SNX25: variants seen among roughly 807,000 people sequenced by gnomAD.
SNX25 encodes the protein sorting nexin-25.
Under a neutral mutation model 113.7 loss-of-function variants are expected in SNX25, and 62 were observed. That is an observed-to-expected ratio of 0.55 (90% CI 0.44 to 0.67). The LOEUF is 0.67. SNX25 is among the 30% of genes least tolerant of loss of function. SNX25 has a pLI of 0.00. For synonymous variants in SNX25, 421 were observed against 436.2 expected, an observed-to-expected ratio of 0.97 and a Z score of 0.43; for missense variants, 1,014 against 1,161.0, an observed-to-expected ratio of 0.87 and a Z score of 1.84.
chr4:185,217,938 T>G (rs1188264523), intron 1 of SNX25, among the ~76,000 whole-genome samples: 1 of 152,186 alleles, frequency 6.6e-6, no homozygotes, highest in Non-Finnish European at 1.5e-5. Flanking sequence ...TTTTTATCCT[T>G]CACTGCTGTA....
chr4:185,378,250 C>G, the SNX25 span: 1 of 1,600,524 alleles, frequency 6.2e-7, no homozygotes, highest in Non-Finnish European at 8.5e-7. Flanking sequence ...ATTTCTTCCT[C>G]CAGCGAAGTG....
chr4:185,209,589 C>A (rs997642026), upstream of SNX25: 2 of 329,202 alleles, frequency 6.1e-6, no homozygotes, highest in Admixed American at 6.5e-5. This position sits in a 1 kb window ranked among gnomAD's most constrained non-coding sequence, Gnocchi z 5.2. Context: ...GTCAGGCTGG[C>A]CAGGCTTCAG....
At chr4:185,292,679 A>C (rs921848333) in intron 6 of SNX25, among the ~76,000 whole-genome samples, 1 of 152,308 alleles carries the variant, frequency 6.6e-6, no homozygotes, top group Non-Finnish European at 1.5e-5. Context: ...CTGGGATTAC[A>C]GGCATGAGCC....
At chr4:185,349,453 G>A (rs2095304876) in intron 13 of SNX25, among the ~76,000 whole-genome samples, 1 of 152,130 alleles carries the variant, frequency 6.6e-6, no homozygotes, top group Admixed American at 6.5e-5. Flanking sequence ...TGGATCTTAT[G>A]GTAGCTCTAT....
downstream of SNX25, chr4:185,370,858 GGTAA>G (rs990360384): frequency 3.1e-6 from 5 of 1,602,318 alleles, no homozygotes; most frequent in Non-Finnish European, 4.3e-6. Context: ...CATCAGTTAT[GGTAA>G]GTGTTTGTAA....
intron 12 of SNX25, among the ~76,000 whole-genome samples, chr4:185,344,560 C>T (rs2126729711): frequency 6.6e-6 from 1 of 152,278 alleles, no homozygotes; most frequent in East Asian, 1.9e-4. Flanking sequence ...TGGAGGTTCA[C>T]AGCAGATGCC....
At chr4:185,205,673 A>G (rs567353449), upstream of SNX25, among the ~76,000 whole-genome samples, 2 of 152,304 alleles carry the variant, frequency 1.3e-5, no homozygotes, top group Admixed American at 1.3e-4. Flanking sequence ...TACTAAAAAT[A>G]CAAAAATTAG....
At chr4:185,255,676 C>T (rs1332431117) in intron 2 of SNX25, among the ~76,000 whole-genome samples, 1 of 152,164 alleles carries the variant, frequency 6.6e-6, no homozygotes, top group East Asian at 1.9e-4. Context: ...ATCTTTTACT[C>T]ATGCAGCTTA....
At chr4:185,235,970 A>G (rs544301995) in intron 1 of SNX25, among the ~76,000 whole-genome samples, 1 of 152,204 alleles carries the variant, frequency 6.6e-6, no homozygotes, top group Admixed American at 6.5e-5. Context: ...GTACAGATGT[A>G]CTGACAGAGG....
At chr4:185,301,176 A>G (rs1753624292) in intron 6 of SNX25, among the ~76,000 whole-genome samples, 1 of 152,150 alleles carries the variant, frequency 6.6e-6, no homozygotes, top group Non-Finnish European at 1.5e-5. Context: ...GTCTCTTAGT[A>G]TTAGATCACA....
intron 6 of SNX25, among the ~76,000 whole-genome samples, chr4:185,300,925 G>A (rs544249849): frequency 4.4e-4 from 67 of 151,266 alleles, no homozygotes; most frequent in Non-Finnish European, 7.1e-4. Flanking sequence ...CCTTGTTACA[G>A]TGTTTTATTA....
At position 185,229,177 on chromosome 4, in the gene SNX25, C is replaced by T. The variant is rs535456546; in HGVS notation, c.430-18117C>T. ...AAGCAGTGGAGATCTCATCTGTGGGCGTGGTACGACAGAGGGCCAGGGCAC... is the reference window on the plus strand; with the variant it reads ...AAGCAGTGGAGATCTCATCTGTGGGTGTGGTACGACAGAGGGCCAGGGCAC... On this transcript the variant is annotated intron_variant, in intron 1 of 18. Coordinates refer to ENST00000652585, the MANE Select transcript of SNX25 (RefSeq NM_001378034.2). Among the ~76,000 whole-genome samples the T allele has an allele frequency of 1.7e-3, 254 of 152,208 alleles. 1 individual carries two copies. The highest frequency in any genetic ancestry group is 5.8e-3 in the African/African-American group (241 of 41,520).
intron 1 of SNX25, among the ~76,000 whole-genome samples, chr4:185,237,526 T>C (rs139031393): frequency 6.6e-6 from 1 of 152,208 alleles, no homozygotes; most frequent in East Asian, 1.9e-4. Context: ...AACCCCTCAA[T>C]CAACCCACTT....
At chr4:185,290,993 CA>C (rs573443617) in intron 6 of SNX25, among the ~76,000 whole-genome samples, 3 of 152,176 alleles carry the variant, frequency 2.0e-5, no homozygotes, top group African/African-American at 7.2e-5. Context: ...TGGCTGTACA[CA>C]GTTAAACAGT....
intron 16 of SNX25, among the ~76,000 whole-genome samples, chr4:185,360,918 CAAA>C (rs972994015): frequency 8.6e-6 from 1 of 115,920 alleles, no homozygotes; most frequent in Non-Finnish European, 1.7e-5. Flanking sequence ...GACTCCGTCT[CAAA>C]AAAAAAATAA....
chr4:185,272,610 T>C lies in SNX25; in HGVS notation c.1091+5455T>C, dbSNP rs532097206. Among the ~76,000 whole-genome samples, 434 of 152,272 alleles carry C rather than the reference T, an allele frequency of 2.9e-3. 1 individual carries two copies. Among genetic ancestry groups the C allele is most frequent in the Admixed American group, 4.7e-3 (72 of 15,296 alleles). ...CCGGGCATCAGGATTTTTAAAAAGC[T>C]CCCCTGGTGATCGTAACGTGCAACT... On this transcript the variant is annotated intron_variant, in intron 5 of 18. Transcript: ENST00000652585.
At chr4:185,257,339 G>GCTT (rs1338619621) in intron 2 of SNX25, among the ~76,000 whole-genome samples, 1 of 152,066 alleles carries the variant, frequency 6.6e-6, no homozygotes, top group Non-Finnish European at 1.5e-5. Context: ...AAAAGACCTA[G>GCTT]CTTCTTGCAA....
At chr4:185,322,663 C>T (rs1204513078) in intron 8 of SNX25, among the ~76,000 whole-genome samples, 1 of 152,114 alleles carries the variant, frequency 6.6e-6, no homozygotes, top group Non-Finnish European at 1.5e-5. Flanking sequence ...TTTTATTCAC[C>T]AGTTTTGACT....
intron 1 of SNX25, among the ~76,000 whole-genome samples, chr4:185,233,531 T>C (rs148449036): frequency 1.3e-5 from 2 of 152,324 alleles, no homozygotes; most frequent in African/African-American, 4.8e-5. Flanking sequence ...ATAAACTTTT[T>C]TAGAAATGCA....
Sources: gnomAD v4.1 joint callset for allele counts (sites outside exome capture counted in the v4.1 genomes callset) on GRCh38, gnomAD v4.1.1 for gene constraint, Gnocchi (gnomAD v3.1) non-coding constraint, MANE v1.5 for transcripts, NCBI Gene and HGNC (gene_info 2026-07-23, HGNC 2026-07-21) for gene names.